The following BANK1 variants were observed in gnomAD, a reference collection of about 807,000 sequenced individuals.
The protein encoded by BANK1 is B-cell scaffold protein with ankyrin repeats.
In BANK1, 95 loss-of-function variants were observed where a neutral mutation model predicts 94.5. The ratio of observed to expected loss-of-function variants is 1.00; its 90% CI spans 0.85 to 1.19. The LOEUF is 1.19. Among genes scored for constraint, BANK1 ranks in the 50% most tolerant of loss-of-function variants. The pLI, the probability that BANK1 is intolerant of heterozygous loss-of-function variation, is 0.00. For missense variants in BANK1, 987 were observed against 932.2 expected, an observed-to-expected ratio of 1.06 and a Z score of -0.77; for synonymous variants, 334 against 308.4, an observed-to-expected ratio of 1.08 and a Z score of -0.87.
At chr4:102,067,156 A>G (rs1728621897) in intron 13 of BANK1, among the ~76,000 whole-genome samples, 1 of 152,090 alleles carries the variant, frequency 6.6e-6, no homozygotes, top group Non-Finnish European at 1.5e-5. Context: ...AAAAAGAACT[A>G]TATTTAGGAA....
chr4:101,867,850 T>C (rs1055178084), intron 4 of BANK1, among the ~76,000 whole-genome samples: 4 of 151,530 alleles, frequency 2.6e-5, no homozygotes, highest in African/African-American at 9.7e-5. Context: ...CTCAAGTAAT[T>C]TTGACAGAGA....
chr4:101,828,632 A>C (rs1301664451), intron 1 of BANK1, among the ~76,000 whole-genome samples: 1 of 152,014 alleles, frequency 6.6e-6, no homozygotes, highest in Non-Finnish European at 1.5e-5. Context: ...TGTTGCATGT[A>C]GCATTGTTAC....
intron 5 of BANK1, among the ~76,000 whole-genome samples, chr4:101,879,326 A>G (rs1178493199): frequency 6.6e-6 from 1 of 152,110 alleles, no homozygotes; most frequent in Non-Finnish European, 1.5e-5. Context: ...GTGAGCAACT[A>G]TATACCAACA....
At chr4:101,847,843 C>T (rs2148870749) in intron 2 of BANK1, among the ~76,000 whole-genome samples, 2 of 152,010 alleles carry the variant, frequency 1.3e-5, no homozygotes, top group Middle Eastern at 6.8e-3. Context: ...CACGATTTTG[C>T]CGGATTCGCT....
At chr4:101,834,641 A>C (rs1726756484) in intron 2 of BANK1, among the ~76,000 whole-genome samples, 1 of 117,260 alleles carries the variant, frequency 8.5e-6, no homozygotes, top group South Asian at 2.3e-4. Flanking sequence ...TGAGATCAGT[A>C]CAAAAAAAAA....
chr4:101,895,544 G>T, intron 6 of BANK1, 134 bp downstream of exon 6: 1 of 558,116 alleles, frequency 1.8e-6, no homozygotes, highest in South Asian at 2.5e-5. Context: ...CCTGACTCCT[G>T]GTGAAAGGGT....
At chr4:101,931,673 G>T (rs1370925018) in intron 7 of BANK1, among the ~76,000 whole-genome samples, 2 of 151,498 alleles carry the variant, frequency 1.3e-5, no homozygotes, top group Non-Finnish European at 3.0e-5. Flanking sequence ...CACAAGTATT[G>T]ATTTGATTTT....
chr4:101,914,761 T>G (rs1056560541), intron 6 of BANK1, among the ~76,000 whole-genome samples: 9 of 152,180 alleles, frequency 5.9e-5, no homozygotes, highest in Non-Finnish European at 8.8e-5. Context: ...TGAATTTATC[T>G]AATACATATA....
intron 11 of BANK1, among the ~76,000 whole-genome samples, chr4:102,054,411 T>A (rs1366864755): frequency 1.3e-5 from 2 of 152,076 alleles, no homozygotes; most frequent in African/African-American, 2.4e-5. Flanking sequence ...AAGGGGATTA[T>A]TTACCTTCAT....
rs577283194 is a variant in BANK1 at position 101,803,128 on chromosome 4, A to C, written c.70+12178A>C. ...TGCATTGTTGTCTCAACATTGATAG[A>C]GAAATAAGTTCTTTTGAACAAATTT... On this transcript the variant is annotated intron_variant, in intron 1 of 16. Transcript: ENST00000322953. Among the ~76,000 whole-genome samples the C allele has an allele frequency of 2.0e-5, 3 of 152,354 alleles. No individual in the cohort carries two copies. In the East Asian group the frequency reaches 5.8e-4, roughly 29 times the overall value.
rs201284073 is a variant in BANK1 at position 101,986,903 on chromosome 4, A to G, written c.1207-34611A>G. On this transcript the variant is annotated intron_variant, in intron 7 of 16. Transcript: ENST00000322953. ...TGTGTGTGTGTGTGTGTGTGTGTAT[A>G]TATATATATATATATATATATATAT... Among the ~76,000 whole-genome samples, 297 of 100,276 alleles carry G rather than the reference A, an allele frequency of 3.0e-3. 1 individual carries two copies. The highest frequency in any genetic ancestry group is 4.9e-3 in the African/African-American group (114 of 23,116). The allele number at this position is 100,276 out of a possible 152,430, so 65.8% of individuals were successfully genotyped here. A position where few individuals can be genotyped will look rare whatever the true frequency, so the allele number is the denominator to read the frequency against.
At chr4:101,873,874 G>C (rs987323887) in intron 5 of BANK1, among the ~76,000 whole-genome samples, 1 of 152,094 alleles carries the variant, frequency 6.6e-6, no homozygotes, top group African/African-American at 2.4e-5. Context: ...AAATCTTTGA[G>C]ACTTTCATCC....
chr4:101,944,365 C>T lies in BANK1; in HGVS notation c.1206+26176C>T, dbSNP rs143769014. 4.1e-3 allele frequency among the ~76,000 whole-genome samples: 625 copies of T among 152,002 alleles called. 4 individuals carry two copies. Among genetic ancestry groups the T allele is most frequent in the African/African-American group, 0.014 (567 of 41,514 alleles). The stretch of plus-strand genomic sequence containing the variant: ...CCTCCCTTGGCTCATCCAATATCTC[C>T]ATGATCTCCCTTTTCTTAGGTATGG... On this transcript the variant is annotated intron_variant, in intron 7 of 16. Coordinates refer to ENST00000322953, the MANE Select transcript of BANK1 (RefSeq NM_017935.5).
intron 6 of BANK1, among the ~76,000 whole-genome samples, chr4:101,907,076 C>T (rs565602441): frequency 5.3e-5 from 8 of 152,074 alleles, no homozygotes; most frequent in South Asian, 2.1e-4. Flanking sequence ...TTATGGGAAA[C>T]GAAGGGATGG....
At chr4:102,046,704 C>T (rs6825789) in intron 11 of BANK1, among the ~76,000 whole-genome samples, 9,906 of 152,176 alleles carry the variant, frequency 0.065, 833 homozygotes, top group African/African-American at 0.19. Flanking sequence ...CAGAGAAGAG[C>T]TGAAAACTGT....
Position 101,951,243 on chromosome 4 carries a change from T to A in BANK1, c.1206+33054T>A, listed in dbSNP as rs574060842. On this transcript the variant is annotated intron_variant, in intron 7 of 16. Coordinates refer to ENST00000322953, the MANE Select transcript of BANK1 (RefSeq NM_017935.5). ...TATCTTTACAAATTTTCTGTGAATC[T>A]TAAATTAGTCTAAAATTAAAAGGTT... Among the ~76,000 whole-genome samples, 4 of 152,270 alleles carry A rather than the reference T, an allele frequency of 2.6e-5. 1 individual carries two copies. In the South Asian group the frequency reaches 8.3e-4, roughly 32 times the overall value.
chr4:101,965,648 G>A (rs1212931334), intron 7 of BANK1, among the ~76,000 whole-genome samples: 1 of 152,014 alleles, frequency 6.6e-6, no homozygotes, highest in Non-Finnish European at 1.5e-5. Context: ...TGAACCTCAA[G>A]TCTCAGAAAG....
At chr4:101,880,958 C>T (rs926001883) in intron 5 of BANK1, among the ~76,000 whole-genome samples, 2 of 152,086 alleles carry the variant, frequency 1.3e-5, no homozygotes, top group African/African-American at 4.8e-5. Flanking sequence ...AGACCTCATA[C>T]TCTGAAACTA....
intron 2 of BANK1, among the ~76,000 whole-genome samples, chr4:101,851,691 A>C (rs114892113): frequency 0.017 from 2,656 of 152,300 alleles, 92 homozygotes; most frequent in African/African-American, 0.062. Flanking sequence ...TTGGAAAAAA[A>C]TTGCTGGAGT....
Sources: allele counts gnomAD v4.1 joint callset (sites outside exome capture counted in the v4.1 genomes callset), GRCh38; gene constraint gnomAD v4.1.1; transcripts MANE v1.5; gene names NCBI Gene and HGNC (gene_info 2026-07-23, HGNC 2026-07-21).